COL19A1: variants seen among roughly 807,000 people sequenced by gnomAD.
COL19A1 encodes collagen alpha-1(XIX) chain.
In COL19A1, 159 loss-of-function variants were observed where a neutral mutation model predicts 190.2. That is an observed-to-expected ratio of 0.84 (90% confidence interval 0.73 to 0.95). The LOEUF is 0.95. Ranked by LOEUF, COL19A1 falls within the 40% of genes least tolerant of loss-of-function variation. COL19A1 has a pLI of 0.00. For synonymous variants in COL19A1, 509 were observed against 458.9 expected, an observed-to-expected ratio of 1.11 and a Z score of -1.39; for missense variants, 1,418 against 1,431.9, an observed-to-expected ratio of 0.99 and a Z score of 0.16.
chr6:69,955,163 C>T (rs2150039010), intron 9 of COL19A1, among the ~76,000 whole-genome samples: 1 of 152,192 alleles, frequency 6.6e-6, no homozygotes, highest in South Asian at 2.1e-4. Flanking sequence ...AAAGCCCAAA[C>T]ATTTGTGCCT....
chr6:70,096,753 T>C (rs1158299072), intron 15 of COL19A1, among the ~76,000 whole-genome samples: 1 of 152,122 alleles, frequency 6.6e-6, no homozygotes, highest in East Asian at 1.9e-4. Context: ...AATAACAGCT[T>C]TAGTTTTAGA....
Position 70,207,868 on chromosome 6 carries a change from A to G in COL19A1, c.*594A>G, listed in dbSNP as rs978905008. 6.6e-6 allele frequency: 1 copy of G among 152,236 alleles called. No individual in the cohort carries two copies. The highest frequency in any genetic ancestry group is 6.5e-5 in the Admixed American group (1 of 15,290). The allele number at this position is 152,236 out of a possible 1,614,324, so 9.4% of individuals were successfully genotyped here. On this transcript the variant is annotated 3_prime_UTR_variant, in exon 51 of 51. Coordinates refer to ENST00000620364, the MANE Select transcript of COL19A1 (RefSeq NM_001858.6). ...ATTTTACAATTTATGTTTTCAAAAAAAAAATGCAGGAAACTGTTTTATCAG... is the reference window on the plus strand; with the variant it reads ...ATTTTACAATTTATGTTTTCAAAAAGAAAATGCAGGAAACTGTTTTATCAG...
At position 70,034,317 on chromosome 6, in the gene COL19A1, C is replaced by A; in HGVS notation, c.1134+19C>A. 6.2e-7 allele frequency: 1 copy of A among 1,601,690 alleles called. No individual in the cohort carries two copies. Among genetic ancestry groups the A allele is most frequent in the East Asian group, 2.2e-5 (1 of 44,828 alleles). ...AGAAAAGGTATTGTGTTTACCCAGCCAAGCCCAACCTTTCTTTAAGAAAAC... is the reference window on the plus strand; with the variant it reads ...AGAAAAGGTATTGTGTTTACCCAGCAAAGCCCAACCTTTCTTTAAGAAAAC... On this transcript the variant is annotated intron_variant, in intron 13 of 50. Transcript: ENST00000620364.
chr6:70,118,660 G>T (rs1047396585), intron 16 of COL19A1, among the ~76,000 whole-genome samples: 1 of 152,192 alleles, frequency 6.6e-6, no homozygotes, highest in African/African-American at 2.4e-5. Context: ...AACCCATTTC[G>T]AGTACTACTT....
intron 44 of COL19A1, among the ~76,000 whole-genome samples, chr6:70,183,252 T>C (rs1026989545): frequency 6.6e-6 from 1 of 152,132 alleles, no homozygotes; most frequent in Non-Finnish European, 1.5e-5. Context: ...GCTGCTCAGA[T>C]GCAGATGTGA....
At chr6:70,073,591 A>T (rs564332015) in intron 15 of COL19A1, among the ~76,000 whole-genome samples, 1 of 152,290 alleles carries the variant, frequency 6.6e-6, no homozygotes, top group African/African-American at 2.4e-5. Flanking sequence ...TACTCTGTTG[A>T]ATCTATTTTA....
At chr6:69,904,293 T>C (rs1050380023) in intron 4 of COL19A1, among the ~76,000 whole-genome samples, 3 of 152,232 alleles carry the variant, frequency 2.0e-5, no homozygotes, top group African/African-American at 7.2e-5. Context: ...TCCAGCATCA[T>C]TCCAAACAGT....
intron 9 of COL19A1, among the ~76,000 whole-genome samples, chr6:69,948,537 T>A (rs1437588025): frequency 6.6e-6 from 1 of 151,700 alleles, no homozygotes. Flanking sequence ...TTCAGTAGAA[T>A]CAATCCTGTC....
chr6:69,942,994 T>C (rs997656562), intron 9 of COL19A1, among the ~76,000 whole-genome samples: 1 of 152,144 alleles, frequency 6.6e-6, no homozygotes, highest in African/African-American at 2.4e-5. Context: ...CCATAATAGC[T>C]ATACTAATTT....
intron 34 of COL19A1, among the ~76,000 whole-genome samples, chr6:70,160,678 T>C (rs1787740930): frequency 6.6e-6 from 1 of 152,166 alleles, no homozygotes; most frequent in South Asian, 2.1e-4. Context: ...TAATATTCAG[T>C]ATGTATATCA....
intron 16 of COL19A1, among the ~76,000 whole-genome samples, chr6:70,120,757 T>G (rs973359226): frequency 6.6e-6 from 1 of 152,208 alleles, no homozygotes; most frequent in Non-Finnish European, 1.5e-5. Flanking sequence ...GTGCCCTTTA[T>G]GTTTAGTGGC....
Position 69,888,777 on chromosome 6 carries a change from CAAAAA to C in COL19A1, c.91+9133_91+9137del, listed in dbSNP as rs35211332. ...TGGTCGACAGAGTGAGACTCTAGCT[CAAAAA>C]AAAAAAAAAAAAAGCAGTGTTCCCA... On this transcript the variant is annotated intron_variant, in intron 2 of 50. Transcript: ENST00000620364. Among the ~76,000 whole-genome samples, 119 of 126,212 alleles carry C rather than the reference CAAAAA, an allele frequency of 9.4e-4. No individual in the cohort carries two copies. In the Middle Eastern group the frequency reaches 0.015, roughly 16 times the overall value. 82.8% of individuals were successfully genotyped at this position (126,212 alleles called of 152,430 possible). A position where few individuals can be genotyped will look rare whatever the true frequency, so the allele number is the denominator to read the frequency against.
intron 4 of COL19A1, among the ~76,000 whole-genome samples, chr6:69,919,095 GC>G (rs1359394157): frequency 6.6e-6 from 1 of 152,132 alleles, no homozygotes; most frequent in African/African-American, 2.4e-5. Flanking sequence ...CACATTTGCT[GC>G]CCAAGACTCA....
In COL19A1 at chr6:70,119,819, G is replaced by A. The variant is rs144162366; in HGVS notation, c.1279-2061G>A. On this transcript the variant is annotated intron_variant, in intron 16 of 50. Transcript: ENST00000620364. ...TAAATGTTTGCTATTGGCCGGGCCC[G>A]CTGGCTCACGCCTGTAATACCAGCA... 4.2e-3 allele frequency among the ~76,000 whole-genome samples: 647 copies of A among 152,310 alleles called. 5 individuals carry two copies. Among genetic ancestry groups the A allele is most frequent in the African/African-American group, 0.015 (621 of 41,584 alleles).
intron 12 of COL19A1, among the ~76,000 whole-genome samples, chr6:70,025,309 C>T (rs912629238): frequency 2.6e-4 from 40 of 152,284 alleles, no homozygotes; most frequent in Middle Eastern, 3.4e-3. Flanking sequence ...GGATTACAGG[C>T]GTGAGCCACC....
intron 15 of COL19A1, among the ~76,000 whole-genome samples, chr6:70,085,263 G>A (rs1782510625): frequency 6.6e-6 from 1 of 152,150 alleles, no homozygotes; most frequent in Admixed American, 6.6e-5. Flanking sequence ...GTGGGTGTTT[G>A]GGGGTGAAAT....
At chr6:70,043,055 T>C (rs1423638316) in intron 14 of COL19A1, among the ~76,000 whole-genome samples, 1 of 152,218 alleles carries the variant, frequency 6.6e-6, no homozygotes, top group Non-Finnish European at 1.5e-5. Flanking sequence ...CCTGTTAATG[T>C]TGAGATTTTG....
rs577212674 is a variant in COL19A1, at chr6:70,071,064, A to G, written c.1224+2588A>G. ...ATTAAAGCAGAACATTTAATTTTAA[A>G]CAAATCATTAACTTGTTGGTTTTCA... On this transcript the variant is annotated intron_variant, in intron 15 of 50. Coordinates refer to ENST00000620364, the MANE Select transcript of COL19A1 (RefSeq NM_001858.6). 7.9e-5 allele frequency among the ~76,000 whole-genome samples: 12 copies of G among 152,242 alleles called. 1 individual carries two copies. The South Asian group carries it at 2.5e-3, about 32-fold the overall frequency.
intron 25 of COL19A1, among the ~76,000 whole-genome samples, chr6:70,145,722 CT>C (rs56306364): frequency 0.043 from 5,511 of 128,056 alleles, 246 homozygotes; most frequent in African/African-American, 0.11. Context: ...CTTATTGTTT[CT>C]TTTTTTTTTT....
Sources: allele counts gnomAD v4.1 joint callset (sites outside exome capture counted in the v4.1 genomes callset), GRCh38; gene constraint gnomAD v4.1.1; transcripts MANE v1.5; gene names NCBI Gene and HGNC (gene_info 2026-07-23, HGNC 2026-07-21).